CTNNA3: variants seen among roughly 807,000 people sequenced by gnomAD.
CTNNA3 encodes the protein catenin alpha-3.
Under a neutral mutation model 95.7 loss-of-function variants are expected in CTNNA3, and 76 were observed. The observed-to-expected ratio is 0.79, with a 90% confidence interval of 0.66 to 0.96. CTNNA3 has a LOEUF of 0.96. Ranked by LOEUF, CTNNA3 falls within the 40% of genes least tolerant of loss-of-function variation. CTNNA3 has a pLI of 0.00. For synonymous variants in CTNNA3, 431 were observed against 374.4 expected (o/e 1.15, Z -1.74); for missense variants, 1,191 against 1,089.8 (o/e 1.09, Z -1.31).
rs538129709 is a variant in CTNNA3, at chr10:67,727,506, T to C, written c.-2+35928A>G. Among the ~76,000 whole-genome samples, 176 of 131,858 alleles carry C rather than the reference T, an allele frequency of 1.3e-3. 1 individual carries two copies. Among genetic ancestry groups the C allele is most frequent in the African/African-American group, 4.5e-3 (164 of 36,222 alleles). The allele number at this position is 131,858 out of a possible 152,430, so 86.5% of individuals were successfully genotyped here. A position where few individuals can be genotyped will look rare whatever the true frequency, so the allele number is the denominator to read the frequency against. ...ATATTATATTAAACATAATATATCATATATAACATATCATATATTATGTAA... is the reference window on the plus strand; with the variant it reads ...ATATTATATTAAACATAATATATCACATATAACATATCATATATTATGTAA... On this transcript the variant is annotated intron_variant, in intron 1 of 17. Coordinates refer to the CTNNA3 transcript ENST00000684154.
At chr10:66,683,239 A>G (rs1486581739) in intron 9 of CTNNA3, among the ~76,000 whole-genome samples, 1 of 152,190 alleles carries the variant, frequency 6.6e-6, no homozygotes, top group East Asian at 1.9e-4. Flanking sequence ...GACTAGAAAT[A>G]GCCAAACTTT....
At chr10:66,921,313 T>C (rs1846776499) in intron 7 of CTNNA3, among the ~76,000 whole-genome samples, 1 of 152,172 alleles carries the variant, frequency 6.6e-6, no homozygotes, top group African/African-American at 2.4e-5. Context: ...ACATTGGGAA[T>C]TGGGGTTTCA....
chr10:66,972,700 ATTTTTTTTTT>A (rs56664927), intron 7 of CTNNA3, among the ~76,000 whole-genome samples: 1 of 108,656 alleles, frequency 9.2e-6, no homozygotes. Context: ...TGTCAAATAG[ATTTTTTTTTT>A]TTTTTTTTTT....
At chr10:67,206,929 G>A (rs1278474379) in intron 6 of CTNNA3, among the ~76,000 whole-genome samples, 7 of 152,044 alleles carry the variant, frequency 4.6e-5, no homozygotes, top group African/African-American at 1.4e-4. Context: ...TCAGGCGTTC[G>A]AGACCAGCTA....
At chr10:66,886,641 G>A (rs1214986637) in intron 7 of CTNNA3, among the ~76,000 whole-genome samples, 1 of 152,092 alleles carries the variant, frequency 6.6e-6, no homozygotes, top group East Asian at 1.9e-4. Flanking sequence ...CCAATCAATA[G>A]CCTTAACAAG....
intron 1 of CTNNA3, among the ~76,000 whole-genome samples, chr10:67,656,014 T>C (rs1191374779): frequency 6.6e-6 from 1 of 152,190 alleles, no homozygotes; most frequent in Non-Finnish European, 1.5e-5. Flanking sequence ...GCTGATTTTA[T>C]ACAATTGAGT....
At chr10:66,591,883 C>T (rs1052609267) in intron 10 of CTNNA3, among the ~76,000 whole-genome samples, 2 of 152,032 alleles carry the variant, frequency 1.3e-5, no homozygotes, top group African/African-American at 4.8e-5. Context: ...ATTTCTTTAA[C>T]TACAGAATAA....
At chr10:66,063,267 T>C (rs943709871) in intron 15 of CTNNA3, among the ~76,000 whole-genome samples, 1 of 148,118 alleles carries the variant, frequency 6.8e-6, no homozygotes, top group African/African-American at 2.5e-5. Flanking sequence ...TATATAGATT[T>C]ATATATCCAG....
chr10:67,481,373 A>C (rs1848220939), intron 5 of CTNNA3, among the ~76,000 whole-genome samples: 1 of 152,228 alleles, frequency 6.6e-6, no homozygotes, highest in South Asian at 2.1e-4. Flanking sequence ...CTGTATCTAG[A>C]AAACCCTAAA....
intron 9 of CTNNA3, among the ~76,000 whole-genome samples, chr10:66,750,430 A>G (rs1287501029): frequency 2.0e-5 from 3 of 152,206 alleles, no homozygotes; most frequent in Non-Finnish European, 4.4e-5. Context: ...ATTTTTCCAC[A>G]TTTGGATGTC....
intron 12 of CTNNA3, among the ~76,000 whole-genome samples, chr10:66,367,596 A>G (rs2092719090): frequency 6.7e-6 from 1 of 149,720 alleles, no homozygotes; most frequent in Non-Finnish European, 1.5e-5. Flanking sequence ...TGACACTAAA[A>G]TCTGGTTTCT....
chr10:67,631,178 T>A (rs962126453), intron 2 of CTNNA3, among the ~76,000 whole-genome samples: 11 of 152,140 alleles, frequency 7.2e-5, no homozygotes, highest in African/African-American at 2.2e-4. Flanking sequence ...TTGGAAGAAT[T>A]TATTACAGAG....
intron 5 of CTNNA3, among the ~76,000 whole-genome samples, chr10:67,371,080 A>G (rs1780900556): frequency 6.6e-6 from 1 of 151,260 alleles, no homozygotes; most frequent in African/African-American, 2.4e-5. Context: ...TTTAGCCTGG[A>G]TGGTCTCGAT....
intron 7 of CTNNA3, among the ~76,000 whole-genome samples, chr10:67,064,496 A>G (rs1463016073): frequency 1.3e-5 from 2 of 152,230 alleles, no homozygotes; most frequent in South Asian, 2.1e-4. Context: ...TAAATTTTAC[A>G]TCATCTATAG....
At position 66,733,884 on chromosome 10, in the gene CTNNA3, T is replaced by C. The variant is rs1464726758; in HGVS notation, c.1281+32380A>G. 2.6e-5 allele frequency among the ~76,000 whole-genome samples: 4 copies of C among 151,910 alleles called. No homozygotes were observed. The East Asian group carries it at 7.8e-4, about 29-fold the overall frequency. On this transcript the variant is annotated intron_variant, in intron 9 of 17. Transcript: ENST00000433211. ...CATGATAAAACTATTAGGTAATCTT[T>C]AAAAAACAATTTCTAAGAGTGCTGT...
At chr10:67,254,745 T>C (rs879576336) in intron 5 of CTNNA3, among the ~76,000 whole-genome samples, 3 of 152,184 alleles carry the variant, frequency 2.0e-5, no homozygotes, top group Non-Finnish European at 4.4e-5. Flanking sequence ...CCTGTAGTAT[T>C]TAGTAAGTAA....
intron 7 of CTNNA3, among the ~76,000 whole-genome samples, chr10:67,131,557 C>T (rs1329387367): frequency 1.3e-5 from 2 of 152,020 alleles, no homozygotes; most frequent in Admixed American, 1.3e-4. Context: ...GTTCCCACTG[C>T]AGTGATGCTA....
intron 5 of CTNNA3, among the ~76,000 whole-genome samples, chr10:67,480,177 C>T (rs1311870215): frequency 1.3e-5 from 2 of 151,950 alleles, no homozygotes; most frequent in African/African-American, 4.8e-5. Flanking sequence ...GAGTTTATAG[C>T]AATCCTACTG....
intron 7 of CTNNA3, among the ~76,000 whole-genome samples, chr10:67,087,585 G>C (rs1276778237): frequency 1.3e-5 from 2 of 151,768 alleles, no homozygotes; most frequent in Non-Finnish European, 2.9e-5. Flanking sequence ...TTTTTAAATA[G>C]TTAAAATCAA....
Sources: allele counts gnomAD v4.1 joint callset (sites outside exome capture counted in the v4.1 genomes callset), GRCh38; gene constraint gnomAD v4.1.1; transcripts MANE v1.5; gene names NCBI Gene and HGNC (gene_info 2026-07-23, HGNC 2026-07-21).